CRYM: variants seen among roughly 807,000 people sequenced by gnomAD.
CRYM encodes the protein ketimine reductase mu-crystallin.
In CRYM, 18 loss-of-function variants were observed where a neutral mutation model predicts 32.9. The observed-to-expected ratio is 0.55, with a 90% confidence interval of 0.38 to 0.81. The LOEUF (loss-of-function observed/expected upper bound fraction) is 0.81, where lower values mean the gene tolerates loss of function less well. Ranked by LOEUF, CRYM falls within the 30% of genes least tolerant of loss-of-function variation. The pLI, the probability that CRYM is intolerant of heterozygous loss-of-function variation, is 0.00. For synonymous variants in CRYM, 153 were observed against 152.4 expected (o/e 1.00, Z -0.03); for missense variants, 337 against 393.5 (o/e 0.86, Z 1.21).
intron 1 of CRYM, among the ~76,000 whole-genome samples, chr16:21,298,495 G>A (rs1960833374): frequency 6.6e-6 from 1 of 152,264 alleles, no homozygotes; most frequent in East Asian, 1.9e-4. Context: ...CATGAGTGAA[G>A]TTTCCAAACA....
At chr16:21,297,077 A>C (rs1960803881) in intron 1 of CRYM, among the ~76,000 whole-genome samples, 1 of 151,688 alleles carries the variant, frequency 6.6e-6, no homozygotes, top group African/African-American at 2.4e-5. Context: ...TTTTACCTCC[A>C]GTCGAAGTGA....
rs2093388860 is a variant in CRYM, at chr16:21,277,414, G to C, written c.324+17C>G. The C allele has an allele frequency of 3.7e-6, 6 of 1,611,858 alleles. No homozygotes were observed. Among genetic ancestry groups the C allele is most frequent in the Middle Eastern group, 1.7e-4 (1 of 5,862 alleles). ...GCCCAGGGGCCCCATTCCACCCCGGGACAGGAAGTTGCTCACCGCCAGCAG... is the reference window on the plus strand; with the variant it reads ...GCCCAGGGGCCCCATTCCACCCCGGCACAGGAAGTTGCTCACCGCCAGCAG... On this transcript the variant is annotated intron_variant, in intron 2 of 7. Coordinates refer to ENST00000572914, the MANE Select transcript of CRYM (RefSeq NM_001376256.1). This position sits in a 1 kb window ranked among gnomAD's most constrained non-coding sequence, Gnocchi z 4.2.
chr16:21,266,331 T>G (rs2152861856), intron 5 of CRYM, among the ~76,000 whole-genome samples: 1 of 152,360 alleles, frequency 6.6e-6, no homozygotes, highest in African/African-American at 2.4e-5. Flanking sequence ...TAATAGTTCC[T>G]GCCTCATAAG....
At chr16:21,275,432 C>G (rs1417088614) in intron 3 of CRYM, 100 bp downstream of exon 3, 1 of 1,085,820 alleles carries the variant, frequency 9.2e-7, no homozygotes, top group African/African-American at 1.5e-5. Flanking sequence ...CAACAGGAAA[C>G]CAAAATAAGT....
intron 1 of CRYM, chr16:21,283,825 T>G (rs1391554624): frequency 6.6e-6 from 1 of 152,282 alleles, no homozygotes; most frequent in Non-Finnish European, 1.5e-5. Context: ...GGTGTGCCTC[T>G]GGCGGGTCCG....
intron 5 of CRYM, among the ~76,000 whole-genome samples, chr16:21,264,115 C>A (rs189579473): frequency 6.6e-6 from 1 of 152,220 alleles, no homozygotes; most frequent in Non-Finnish European, 1.5e-5. Context: ...ACTGCCGCCC[C>A]GTTTTCTCCC....
At chr16:21,288,385 C>T (rs1324462333) in intron 1 of CRYM, among the ~76,000 whole-genome samples, 1 of 152,074 alleles carries the variant, frequency 6.6e-6, no homozygotes, top group Non-Finnish European at 1.5e-5. Flanking sequence ...TGAATTGTGT[C>T]CTTTTCATCT....
intron 3 of CRYM, among the ~76,000 whole-genome samples, 146 bp downstream of exon 3, chr16:21,275,377 TCGTGAATTA>T (rs2093384201): frequency 6.6e-6 from 1 of 152,198 alleles, no homozygotes; most frequent in South Asian, 2.1e-4. Flanking sequence ...GCTAATAATT[TCGTGAATTA>T]CTGATATATC....
At chr16:21,295,925 C>T (rs1226572948) in intron 1 of CRYM, among the ~76,000 whole-genome samples, 19 of 151,064 alleles carry the variant, frequency 1.3e-4, no homozygotes, top group Non-Finnish European at 2.7e-4. Flanking sequence ...CAGATCAAGA[C>T]TCCGTCTAAA....
intron 3 of CRYM, among the ~76,000 whole-genome samples, chr16:21,272,406 C>T (rs2093377455): frequency 6.6e-6 from 1 of 152,204 alleles, no homozygotes; most frequent in Non-Finnish European, 1.5e-5. Context: ...TCCAGCCATA[C>T]TGGCTTCCTT....
intron 1 of CRYM, chr16:21,283,626 C>T (rs2093401937): frequency 6.8e-6 from 1 of 146,386 alleles, no homozygotes; most frequent in Non-Finnish European, 1.5e-5. Context: ...TCTCGGAAGC[C>T]GGAGAAGGGT....
chr16:21,285,901 A>T (rs373864609), intron 1 of CRYM, among the ~76,000 whole-genome samples: 10 of 152,370 alleles, frequency 6.6e-5, no homozygotes, highest in African/African-American at 2.4e-4. Flanking sequence ...AAAAGTTATT[A>T]AAAATCATCT....
chr16:21,261,701 G>A, intron 6 of CRYM: 1 of 460,368 alleles, frequency 2.2e-6, no homozygotes, highest in Non-Finnish European at 4.0e-6. Flanking sequence ...GAGGCCAGAA[G>A]GTGGGCAACA....
chr16:21,260,959 A>G (rs1410766761), intron 7 of CRYM: 1 of 480,700 alleles, frequency 2.1e-6, no homozygotes, highest in African/African-American at 2.0e-5. Context: ...TTTATATGCA[A>G]ATCCCACCTA....
Position 21,277,352 on chromosome 16 carries a change from C to T in CRYM, c.324+79G>A, listed in dbSNP as rs2093388663. 4 of 1,503,792 alleles carry T rather than the reference C, an allele frequency of 2.7e-6. No individual in the cohort carries two copies. Among genetic ancestry groups the T allele is most frequent in the Non-Finnish European group, 3.6e-6 (4 of 1,097,588 alleles). 93.2% of individuals were successfully genotyped at this position (1,503,792 alleles called of 1,614,324 possible). Reference sequence around the variant, plus strand: ...ACGCGTAGTCACAATCAAGACTCCCCCTGCTGCGGAGAACTTACTTTTGAG... The same window carrying T: ...ACGCGTAGTCACAATCAAGACTCCCTCTGCTGCGGAGAACTTACTTTTGAG... On this transcript the variant is annotated intron_variant, in intron 2 of 7. Transcript: ENST00000572914. This position sits in a 1 kb window ranked among gnomAD's most constrained non-coding sequence, Gnocchi z 4.2.
Position 21,277,279 on chromosome 16 carries a change from C to T in CRYM, c.324+152G>A. ...GCAGTCCTAGAAATAGATACATGGA[C>T]ACAGATAACCTTCACTGTTGCTGGT... On this transcript the variant is annotated intron_variant, in intron 2 of 7. Transcript: ENST00000572914. This position sits in a 1 kb window ranked among gnomAD's most constrained non-coding sequence, Gnocchi z 4.2. 1.2e-6 allele frequency: 1 copy of T among 809,332 alleles called. No homozygotes were observed. The highest frequency in any genetic ancestry group is 1.6e-5 in the South Asian group (1 of 62,048). 50.1% of individuals were successfully genotyped at this position (809,332 alleles called of 1,614,324 possible).
At chr16:21,296,394 A>G (rs989805903) in intron 1 of CRYM, among the ~76,000 whole-genome samples, 29 of 152,260 alleles carry the variant, frequency 1.9e-4, no homozygotes, top group African/African-American at 6.3e-4. Context: ...GGCAATATCA[A>G]TTCAAAACAA....
intron 5 of CRYM, among the ~76,000 whole-genome samples, chr16:21,262,965 G>A (rs2093357340): frequency 1.3e-5 from 2 of 152,110 alleles, no homozygotes; most frequent in Non-Finnish European, 1.5e-5. Context: ...GACATCACTT[G>A]GTGCTTATTC....
At chr16:21,274,548 T>C (rs1005437045) in intron 3 of CRYM, among the ~76,000 whole-genome samples, 3 of 152,294 alleles carry the variant, frequency 2.0e-5, no homozygotes, top group African/African-American at 7.2e-5. Context: ...TTACATATTA[T>C]TTATTACTAT....
Sources: gnomAD v4.1 joint callset for allele counts (sites outside exome capture counted in the v4.1 genomes callset) on GRCh38, gnomAD v4.1.1 for gene constraint, Gnocchi (gnomAD v3.1) non-coding constraint, MANE v1.5 for transcripts, NCBI Gene and HGNC (gene_info 2026-07-23, HGNC 2026-07-21) for gene names.